The following CXADR variants were observed in gnomAD, a reference collection of about 807,000 sequenced individuals.
CXADR encodes CXADR cell adhesion molecule, also known as coxsackievirus and adenovirus receptor.
A neutral mutation model predicts 40.3 loss-of-function variants in CXADR; 20 were observed. The ratio of observed to expected loss-of-function variants is 0.50; its 90% CI spans 0.35 to 0.72. The LOEUF (loss-of-function observed/expected upper bound fraction) is 0.72, where lower values mean the gene tolerates loss of function less well. Among genes scored for constraint, CXADR ranks in the 30% least tolerant of loss-of-function variants. The pLI is 0.01. For missense variants in CXADR, 332 were observed against 449.1 expected, an observed-to-expected ratio of 0.74 and a Z score of 2.36; for synonymous variants, 150 against 161.3, an observed-to-expected ratio of 0.93 and a Z score of 0.53.
the CXADR span, among the ~76,000 whole-genome samples, chr21:17,622,102 C>A: frequency 6.6e-6 from 1 of 152,170 alleles, no homozygotes; most frequent in Admixed American, 6.5e-5. Flanking sequence ...GGCAGAGTCA[C>A]TCCTTTAATA....
chr21:17,587,149 G>T (rs181610231), intron 7 of CXADR, among the ~76,000 whole-genome samples: 2,942 of 152,204 alleles, frequency 0.019, 36 homozygotes, highest in Middle Eastern at 0.065. Flanking sequence ...TGTTGGACAT[G>T]TGGGTTGGTT....
the CXADR span, among the ~76,000 whole-genome samples, chr21:17,627,290 A>G: frequency 6.6e-6 from 1 of 152,182 alleles, no homozygotes; most frequent in Non-Finnish European, 1.5e-5. Flanking sequence ...TAGGAGGCGG[A>G]GGTTGCGGTG....
intron 1 of CXADR, chr21:17,518,929 C>T (rs561809023): frequency 2.4e-4 from 377 of 1,596,592 alleles, no homozygotes; most frequent in Middle Eastern, 3.5e-4. Context: ...CTTCTTTCTG[C>T]GAGCTGTACC....
chr21:17,601,854 T>G, the CXADR span, among the ~76,000 whole-genome samples: 1 of 152,252 alleles, frequency 6.6e-6, no homozygotes, highest in African/African-American at 2.4e-5. Context: ...AAATATCTAA[T>G]GATTGAAGGA....
chr21:17,516,546 T>C (rs79245562), intron 1 of CXADR, among the ~76,000 whole-genome samples: 4,544 of 152,128 alleles, frequency 0.03, 244 homozygotes, highest in African/African-American at 0.1. Context: ...AAGTTTGGGG[T>C]GGTGTTCTTC....
the CXADR span, chr21:17,612,384 G>C: frequency 6.6e-6 from 1 of 152,266 alleles, no homozygotes. Flanking sequence ...GGGAAGCCGC[G>C]GGGTTGTCGC....
Position 17,585,547 on chromosome 21 carries a change from C to G in CXADR, c.1018-7605C>G, listed in dbSNP as rs183721061. The stretch of plus-strand genomic sequence containing the variant: ...TTATTATTTTTTTTTGAGACCGAGT[C>G]TCGCTCTGTCGTCACGCTGGAGTAC... On this transcript the variant is annotated intron_variant, in intron 7 of 7. Coordinates refer to the CXADR transcript ENST00000400169. Among the ~76,000 whole-genome samples, 8 of 152,122 alleles carry G rather than the reference C, an allele frequency of 5.3e-5. No homozygotes were observed. In the East Asian group the frequency reaches 9.6e-4, roughly 18 times the overall value.
chr21:17,588,406 T>G (rs2061412583), intron 7 of CXADR, among the ~76,000 whole-genome samples: 2 of 152,148 alleles, frequency 1.3e-5, no homozygotes, highest in South Asian at 4.1e-4. Flanking sequence ...CTCTTTTATT[T>G]CATTGAGCAG....
At chr21:17,595,314 A>C (rs1215679610), downstream of CXADR, among the ~76,000 whole-genome samples, 1 of 152,030 alleles carries the variant, frequency 6.6e-6, no homozygotes, top group African/African-American at 2.4e-5. Context: ...TTTTTAAAAA[A>C]ATTATATTGT....
At chr21:17,555,690 C>T (rs927503175) in intron 3 of CXADR, among the ~76,000 whole-genome samples, 2 of 152,024 alleles carry the variant, frequency 1.3e-5, no homozygotes, top group East Asian at 1.9e-4. Context: ...ATCGTGATCG[C>T]TTGGTTTAAG....
chr21:17,539,981 T>C (rs1359527626), intron 1 of CXADR, among the ~76,000 whole-genome samples: 1 of 152,154 alleles, frequency 6.6e-6, no homozygotes, highest in Admixed American at 6.5e-5. Flanking sequence ...CAAAATACCA[T>C]AGATGCCTTA....
At chr21:17,560,599 C>A in intron 4 of CXADR, 103 bp from the exon 5 acceptor site, 2 of 1,196,562 alleles carry the variant, frequency 1.7e-6, no homozygotes, top group South Asian at 1.4e-5. Flanking sequence ...GTCTGTCTTG[C>A]TTTTAACTGG....
intron 7 of CXADR, among the ~76,000 whole-genome samples, chr21:17,585,758 T>C (rs1441984589): frequency 6.6e-6 from 1 of 152,198 alleles, no homozygotes; most frequent in South Asian, 2.1e-4. Flanking sequence ...GAGCTCATGA[T>C]CCGCCCGCCT....
intron 1 of CXADR, among the ~76,000 whole-genome samples, 156 bp downstream of exon 1, chr21:17,513,328 C>CT (rs1044287201): frequency 2.6e-5 from 4 of 151,872 alleles, no homozygotes; most frequent in African/African-American, 9.7e-5. Flanking sequence ...CACAGGGGCG[C>CT]TTTTGCTGGG....
intron 1 of CXADR, chr21:17,518,542 G>C: frequency 9.9e-7 from 1 of 1,014,862 alleles, no homozygotes; most frequent in South Asian, 1.3e-5. Flanking sequence ...ATTCTTTGAT[G>C]CCTCATCAAA....
At chr21:17,599,114 T>C in the CXADR span, 1 of 297,688 alleles carries the variant, frequency 3.4e-6, no homozygotes, top group Non-Finnish European at 6.2e-6. Flanking sequence ...TCAAAAAAAG[T>C]CCATTGTTTT....
At chr21:17,516,851 TA>T (rs1569066732) in intron 1 of CXADR, among the ~76,000 whole-genome samples, 2 of 152,224 alleles carry the variant, frequency 1.3e-5, no homozygotes, top group East Asian at 3.8e-4. Context: ...AGGTAATGCA[TA>T]TGTTAATTCC....
At chr21:17,611,849 CCTCCCTTGTAACGAAAAGCTAATCGCA>C in the CXADR span, 3 of 152,226 alleles carry the variant, frequency 2.0e-5, no homozygotes, top group Non-Finnish European at 4.4e-5. Context: ...TGTACTTTTC[CCTCCCTTGTAACGAAAAGCTAATCGCA>C]AACGTTTCTA....
chr21:17,533,873 G>T (rs2251967), intron 1 of CXADR, among the ~76,000 whole-genome samples: 73,049 of 150,908 alleles, frequency 0.48, 20,811 homozygotes, highest in Non-Finnish European at 0.63. Flanking sequence ...TTATCTTGCT[G>T]TATTAATTTC....
Sources: allele counts gnomAD v4.1 joint callset (sites outside exome capture counted in the v4.1 genomes callset), GRCh38; gene constraint gnomAD v4.1.1; transcripts MANE v1.5; gene names NCBI Gene and HGNC (gene_info 2026-07-23, HGNC 2026-07-21).